The following CNTNAP5 variants were observed in gnomAD, a reference collection of about 807,000 sequenced individuals.
CNTNAP5 encodes the protein contactin-associated protein-like 5.
A neutral mutation model predicts 150.2 loss-of-function variants in CNTNAP5; 72 were observed. The observed-to-expected ratio is 0.48, with a 90% CI of 0.40 to 0.58. The LOEUF (loss-of-function observed/expected upper bound fraction) is 0.58, where lower values mean the gene tolerates loss of function less well. CNTNAP5 is among the 20% of genes least tolerant of loss of function. The pLI is 0.00. For missense variants in CNTNAP5, 1,636 were observed against 1,626.2 expected (o/e 1.01, Z -0.10); for synonymous variants, 672 against 619.8 (o/e 1.08, Z -1.25).
chr2:124,687,587 A>G (rs1051642306), intron 13 of CNTNAP5, among the ~76,000 whole-genome samples: 1 of 143,326 alleles, frequency 7.0e-6, no homozygotes, highest in Non-Finnish European at 1.5e-5. Flanking sequence ...GGTGGTTGGT[A>G]ATCACAGGAA....
At chr2:124,643,565 C>T (rs551176778) in intron 12 of CNTNAP5, among the ~76,000 whole-genome samples, 3 of 152,252 alleles carry the variant, frequency 2.0e-5, no homozygotes, top group East Asian at 3.9e-4. Flanking sequence ...CACAGTCCAT[C>T]GCACTTGTTA....
chr2:124,856,075 GGTGTGTGTGTGTGTGT>G (rs56676705), intron 19 of CNTNAP5, among the ~76,000 whole-genome samples: 2 of 144,234 alleles, frequency 1.4e-5, no homozygotes, highest in Admixed American at 7.0e-5. Flanking sequence ...AATAGTCCAT[GGTGTGTGTGTGTGTGT>G]GTGTGTGTGT....
At chr2:124,894,766 T>C (rs1678268947) in intron 21 of CNTNAP5, among the ~76,000 whole-genome samples, 1 of 151,252 alleles carries the variant, frequency 6.6e-6, no homozygotes. Context: ...TTGCCAGGGC[T>C]GGTTTTGAAC....
At chr2:124,153,971 C>T (rs1020579721) in intron 1 of CNTNAP5, among the ~76,000 whole-genome samples, 7 of 151,838 alleles carry the variant, frequency 4.6e-5, no homozygotes, top group South Asian at 2.1e-4. Flanking sequence ...GAAATCTGCC[C>T]GCATGACCTA....
intron 21 of CNTNAP5, among the ~76,000 whole-genome samples, chr2:124,881,051 G>A (rs1205823874): frequency 6.6e-6 from 1 of 152,060 alleles, no homozygotes; most frequent in Admixed American, 6.6e-5. Flanking sequence ...CAGAGTAGAG[G>A]GAGACAAGGG....
chr2:124,174,482 T>G (rs983142991), intron 1 of CNTNAP5, among the ~76,000 whole-genome samples: 2 of 152,298 alleles, frequency 1.3e-5, no homozygotes, highest in Middle Eastern at 3.4e-3. Context: ...CCCTGATGGA[T>G]GAATTTGAGA....
At chr2:124,053,185 A>C (rs1376240759) in intron 1 of CNTNAP5, among the ~76,000 whole-genome samples, 1 of 152,340 alleles carries the variant, frequency 6.6e-6, no homozygotes, top group South Asian at 2.1e-4. Context: ...GAGGCACTCA[A>C]GAACAAACTG....
At chr2:124,771,664 C>T (rs1681195737) in intron 16 of CNTNAP5, among the ~76,000 whole-genome samples, 1 of 152,066 alleles carries the variant, frequency 6.6e-6, no homozygotes, top group African/African-American at 2.4e-5. Flanking sequence ...TGGTTATCCA[C>T]CATTGCCACT....
chr2:124,839,192 G>A (rs192960451), intron 19 of CNTNAP5, among the ~76,000 whole-genome samples: 51 of 152,182 alleles, frequency 3.4e-4, no homozygotes, highest in South Asian at 2.5e-3. Context: ...GTTCTCCTAT[G>A]AGGGAAGATG....
At chr2:124,562,869 A>G (rs531316307) in intron 10 of CNTNAP5, among the ~76,000 whole-genome samples, 134 of 87,968 alleles carry the variant, frequency 1.5e-3, no homozygotes, top group African/African-American at 4.7e-3. Context: ...TAAAATGATT[A>G]TCTTTATACA....
chr2:124,053,636 TA>T (rs1350042917), intron 1 of CNTNAP5, among the ~76,000 whole-genome samples: 2 of 152,186 alleles, frequency 1.3e-5, no homozygotes, highest in African/African-American at 4.8e-5. Flanking sequence ...CTTTGAGAGT[TA>T]AATGGCATGG....
In CNTNAP5 at chr2:124,377,965, T is replaced by G. The variant is rs185842599; in HGVS notation, c.382-39478T>G. On this transcript the variant is annotated intron_variant, in intron 3 of 23. Transcript: ENST00000682447. ...AGACAGCCTACCTTTGAATTCAAGC[T>G]CTTTGCTACTTGTGTTTCTAGGAGC... is the stretch of plus-strand genomic sequence containing the variant. Among the ~76,000 whole-genome samples, 9 of 152,198 alleles carry G rather than the reference T, an allele frequency of 5.9e-5. No homozygotes were observed. In the East Asian group the frequency reaches 1.7e-3, roughly 30 times the overall value.
At chr2:124,139,362 A>G (rs1426463343) in intron 1 of CNTNAP5, among the ~76,000 whole-genome samples, 31 of 152,116 alleles carry the variant, frequency 2.0e-4, no homozygotes, top group Non-Finnish European at 5.9e-5. Flanking sequence ...TTGAATAAAG[A>G]ATTGTTCCCA....
At chr2:124,776,893 A>G (rs1345242695) in intron 17 of CNTNAP5, among the ~76,000 whole-genome samples, 1 of 152,200 alleles carries the variant, frequency 6.6e-6, no homozygotes, top group Non-Finnish European at 1.5e-5. Context: ...TATGTCTACT[A>G]TTCCCCCATA....
chr2:124,267,277 C>A (rs564524587), intron 3 of CNTNAP5, among the ~76,000 whole-genome samples: 119 of 152,188 alleles, frequency 7.8e-4, no homozygotes, highest in Non-Finnish European at 1.6e-3. Flanking sequence ...AGAATATTTG[C>A]GAAGGAATGA....
At chr2:124,351,701 G>A (rs914724640) in intron 3 of CNTNAP5, among the ~76,000 whole-genome samples, 2 of 152,170 alleles carry the variant, frequency 1.3e-5, no homozygotes, top group Non-Finnish European at 2.9e-5. Flanking sequence ...GAGTGACCTG[G>A]CCAAGTTTAG....
rs559952697 is a variant in CNTNAP5, at chr2:124,671,520, T to G, written c.2077+23562T>G. ...AATACTCATGGCCCTATAATTTAATTTAAGTGATCTTTCAAGACTTTACAA... is the reference window on the plus strand; with the variant it reads ...AATACTCATGGCCCTATAATTTAATGTAAGTGATCTTTCAAGACTTTACAA... On this transcript the variant is annotated intron_variant, in intron 13 of 23. Transcript: ENST00000682447. Among the ~76,000 whole-genome samples, 69 of 152,366 alleles carry G rather than the reference T, an allele frequency of 4.5e-4. 1 individual carries two copies. Among genetic ancestry groups the G allele is most frequent in the African/African-American group, 1.6e-3 (68 of 41,586 alleles).
intron 13 of CNTNAP5, among the ~76,000 whole-genome samples, chr2:124,699,781 T>G (rs1679480412): frequency 7.4e-6 from 1 of 135,366 alleles, no homozygotes; most frequent in Non-Finnish European, 1.6e-5. Context: ...TTGTTCTTTC[T>G]CCTTTCTTTC....
chr2:124,733,988 T>C (rs1265535953), intron 13 of CNTNAP5, among the ~76,000 whole-genome samples: 2 of 152,100 alleles, frequency 1.3e-5, no homozygotes, highest in Non-Finnish European at 2.9e-5. Flanking sequence ...AAAACATGTG[T>C]GAAGCCTGAG....
Sources: allele counts gnomAD v4.1 joint callset (sites outside exome capture counted in the v4.1 genomes callset), GRCh38; gene constraint gnomAD v4.1.1; transcripts MANE v1.5; gene names NCBI Gene and HGNC (gene_info 2026-07-23, HGNC 2026-07-21).